The following BIRC6 variants were observed in gnomAD, a reference collection of about 807,000 sequenced individuals.
The protein encoded by BIRC6 is dual E2 ubiquitin-conjugating enzyme/E3 ubiquitin-protein ligase BIRC6.
In BIRC6, 98 loss-of-function variants were observed where a neutral mutation model predicts 503.3. The observed-to-expected ratio is 0.19, with a 90% CI of 0.17 to 0.23. The LOEUF (loss-of-function observed/expected upper bound fraction) is 0.23, where lower values mean the gene tolerates loss of function less well. Ranked by LOEUF, BIRC6 falls within the 10% of genes least tolerant of loss-of-function variation. The probability of loss-of-function intolerance (pLI) is 1.00; values close to 1 mark genes in which losing one functional copy is unlikely to be tolerated. For synonymous variants in BIRC6, 2,240 were observed against 2,078.7 expected, an observed-to-expected ratio of 1.08 and a Z score of -2.11; for missense variants, 5,360 against 5,806.0, an observed-to-expected ratio of 0.92 and a Z score of 2.50.
At chr2:32,499,491 CTT>C (rs756344314) in intron 45 of BIRC6, 54 bp from the exon 46 acceptor site, 91 of 1,397,302 alleles carry the variant, frequency 6.5e-5, no homozygotes, top group Middle Eastern at 1.8e-4. Flanking sequence ...AATCCTTTCT[CTT>C]GTTGTATCTC....
At chr2:32,392,278 A>G in intron 5 of BIRC6, 128 bp downstream of exon 5, 1 of 654,636 alleles carries the variant, frequency 1.5e-6, no homozygotes, top group Non-Finnish European at 2.6e-6. Context: ...GTATGCATGG[A>G]TGCTTGTTTT....
At chr2:32,370,648 C>G (rs1429725636) in intron 1 of BIRC6, among the ~76,000 whole-genome samples, 1 of 152,088 alleles carries the variant, frequency 6.6e-6, no homozygotes, top group Non-Finnish European at 1.5e-5. Flanking sequence ...TTAATTATAT[C>G]AAAAGCTTTG....
At chr2:32,612,604 C>T (rs545072428) in intron 73 of BIRC6, among the ~76,000 whole-genome samples, 85 of 152,192 alleles carry the variant, frequency 5.6e-4, no homozygotes, top group Non-Finnish European at 9.9e-4. Context: ...CCTATCTTTT[C>T]AGGACATGTA....
intron 72 of BIRC6, among the ~76,000 whole-genome samples, chr2:32,611,164 G>GGC (rs2062849663): frequency 6.6e-6 from 1 of 150,448 alleles, no homozygotes; most frequent in African/African-American, 2.4e-5. Context: ...GGAGTGCAGT[G>GGC]GCGCGACCTT....
chr2:32,617,330 G>A (rs2063313053), intron 73 of BIRC6, among the ~76,000 whole-genome samples: 1 of 152,208 alleles, frequency 6.6e-6, no homozygotes, highest in South Asian at 2.1e-4. Flanking sequence ...GAACCCGGGA[G>A]GCGGAGGTTG....
At chr2:32,404,471 T>C (rs2040964319) in intron 8 of BIRC6, among the ~76,000 whole-genome samples, 3 of 151,688 alleles carry the variant, frequency 2.0e-5, no homozygotes, top group Admixed American at 2.0e-4. Context: ...CGTGCCACCA[T>C]GCCTGGGTAA....
Position 32,471,105 on chromosome 2 carries a change from T to C in BIRC6, c.6573T>C (p.Ala2191=). The C allele has an allele frequency of 6.4e-7, 1 of 1,574,082 alleles. No homozygotes were observed. The highest frequency in any genetic ancestry group is 8.6e-7 in the Non-Finnish European group (1 of 1,157,564). The stretch of plus-strand genomic sequence containing the variant: ...CAACTGTTGAAGATGAAGCAGCAGC[T>C]GCAAAGAAACCTTTGAATGGTAAAG... ...YVATVEDEAA[A]AKKPLNGNQW... is the part of the protein sequence containing the mutation. The change falls in exon 32 of 74, where the codon GCT becomes GCC. Residue 2191 remains alanine (A), a synonymous_variant. Coordinates refer to ENST00000421745, the MANE Select transcript of BIRC6 (RefSeq NM_016252.4).
intron 32 of BIRC6, among the ~76,000 whole-genome samples, chr2:32,472,397 A>G (rs988180367): frequency 5.3e-5 from 8 of 152,230 alleles, no homozygotes; most frequent in Non-Finnish European, 1.2e-4. Context: ...AAAGAAAAAT[A>G]TAAAATAAAC....
intron 65 of BIRC6, among the ~76,000 whole-genome samples, chr2:32,556,838 T>C (rs761497919): frequency 5.9e-5 from 9 of 151,910 alleles, no homozygotes; most frequent in Non-Finnish European, 1.2e-4. Context: ...ACTTGGGAGG[T>C]TGAGGCACAA....
At chr2:32,459,632 A>G (rs905177460) in intron 23 of BIRC6, among the ~76,000 whole-genome samples, 5 of 152,094 alleles carry the variant, frequency 3.3e-5, no homozygotes, top group African/African-American at 1.2e-4. Context: ...TTGGCATCCT[A>G]ATATTGACTT....
At chr2:32,616,055 C>T (rs2063213878) in intron 73 of BIRC6, among the ~76,000 whole-genome samples, 1 of 152,166 alleles carries the variant, frequency 6.6e-6, no homozygotes, top group African/African-American at 2.4e-5. Context: ...TGCCTATATC[C>T]TTACGTAAAC....
At chr2:32,567,472 C>G (rs1286570570) in intron 65 of BIRC6, among the ~76,000 whole-genome samples, 1 of 152,156 alleles carries the variant, frequency 6.6e-6, no homozygotes, top group Non-Finnish European at 1.5e-5. Flanking sequence ...CTATGGGACA[C>G]TTGAAATGTG....
chr2:32,395,774 G>A (rs571383466), intron 6 of BIRC6, among the ~76,000 whole-genome samples, 181 bp downstream of exon 6: 2 of 152,194 alleles, frequency 1.3e-5, no homozygotes, highest in Admixed American at 6.5e-5. Context: ...TACAGTGTCT[G>A]TAAGTTTGAC....
chr2:32,518,499 A>G lies in BIRC6; in HGVS notation c.11493+102A>G, dbSNP rs1488788910. The stretch of plus-strand genomic sequence containing the variant: ...CTATGTTCTAACTTCGAGTATAGCA[A>G]AGTGAAACTAGCACAGCCTTTATAC... On this transcript the variant is annotated intron_variant, in intron 56 of 73. Transcript: ENST00000421745. 2.5e-6 allele frequency: 3 copies of G among 1,208,548 alleles called. No homozygotes were observed. The Admixed American group carries it at 8.3e-5, about 33-fold the overall frequency. The allele number at this position is 1,208,548 out of a possible 1,614,324, so 74.9% of individuals were successfully genotyped here.
At chr2:32,455,168 A>G (rs1401544784) in intron 23 of BIRC6, among the ~76,000 whole-genome samples, 7 of 151,852 alleles carry the variant, frequency 4.6e-5, no homozygotes, top group African/African-American at 1.7e-4. Context: ...CATGAGGTCA[A>G]GAGATCGAGA....
intron 2 of BIRC6, chr2:32,379,237 A>C (rs1464208837): frequency 6.6e-6 from 1 of 152,206 alleles, no homozygotes; most frequent in Non-Finnish European, 1.5e-5. Context: ...AATTAGTTCT[A>C]CTTGATTTGA....
intron 54 of BIRC6, among the ~76,000 whole-genome samples, chr2:32,513,870 T>C (rs937271047): frequency 2.6e-5 from 4 of 151,700 alleles, no homozygotes; most frequent in Admixed American, 2.6e-4. Flanking sequence ...GATTGCACCA[T>C]TGAACTCAAG....
intron 65 of BIRC6, among the ~76,000 whole-genome samples, chr2:32,561,382 C>T (rs1260948278): frequency 1.3e-5 from 2 of 151,922 alleles, no homozygotes; most frequent in African/African-American, 4.8e-5. Context: ...GCTGGGTCTA[C>T]AGGCGTGTCA....
At chr2:32,552,826 T>G (rs2150453221) in intron 65 of BIRC6, among the ~76,000 whole-genome samples, 1 of 150,432 alleles carries the variant, frequency 6.6e-6, no homozygotes, top group East Asian at 2.0e-4. Flanking sequence ...ACTTAAAAAA[T>G]TATTACTATT....
Sources: gnomAD v4.1 joint callset for allele counts (sites outside exome capture counted in the v4.1 genomes callset) on GRCh38, gnomAD v4.1.1 for gene constraint, MANE v1.5 for transcripts, NCBI Gene and HGNC (gene_info 2026-07-23, HGNC 2026-07-21) for gene names.